Variants in HENMT1 observed in about 807,000 individuals in gnomAD.
HENMT1 encodes HEN methyltransferase 1, also known as small RNA 2'-O-methyltransferase.
HENMT1 carries 27 observed loss-of-function variants against 31.1 expected under a neutral mutation model. That is an observed-to-expected ratio of 0.87 (90% confidence interval 0.64 to 1.20). The LOEUF (loss-of-function observed/expected upper bound fraction) is 1.20. Among genes scored for constraint, HENMT1 ranks in the 50% most tolerant of loss-of-function variants. The pLI, the probability that HENMT1 is intolerant of heterozygous loss-of-function variation, is 0.00. For missense variants in HENMT1, 438 were observed against 469.6 expected, an observed-to-expected ratio of 0.93 and a Z score of 0.62; for synonymous variants, 167 against 172.2, an observed-to-expected ratio of 0.97 and a Z score of 0.24.
intron 3 of HENMT1, 64 bp from the exon 4 acceptor site, chr1:108,655,762 T>A (rs546061993): frequency 9.6e-7 from 1 of 1,039,990 alleles, no homozygotes; most frequent in Non-Finnish European, 1.5e-6. Context: ...ATCAAAAACT[T>A]TTTTTTGAGG....
At position 108,648,727 on chromosome 1, in the gene HENMT1, C is replaced by CG; in HGVS notation, c.1020dup (p.Val341ArgfsTer18). 1.9e-6 allele frequency: 3 copies of CG among 1,614,170 alleles called. No homozygotes were observed. Among genetic ancestry groups the CG allele is most frequent in the Non-Finnish European group, 1.7e-6 (2 of 1,180,028 alleles). On this transcript the variant is annotated frameshift_variant, in exon 8 of 8. Transcript: ENST00000651461. LOFTEE classifies it low-confidence loss of function (END_TRUNC). Reference sequence around the variant, plus strand: ...TACGCAAGGAGTCTCTGCAGAGGTACGAAAAATTTATCTCCAACACAGAAG... The same window carrying CG: ...TACGCAAGGAGTCTCTGCAGAGGTACGGAAAAATTTATCTCCAACACAGAAG...
intron 7 of HENMT1, 145 bp downstream of exon 7, chr1:108,650,066 A>G (rs1658002930): frequency 1.3e-6 from 1 of 768,130 alleles, no homozygotes; most frequent in Non-Finnish European, 2.3e-6. Flanking sequence ...GACAGTAGTC[A>G]TGGGGCCTGA....
Position 108,648,523 on chromosome 1 carries a change from C to T in HENMT1, c.*43G>A. 6.5e-7 allele frequency: 1 copy of T among 1,535,378 alleles called. No individual in the cohort carries two copies. Among genetic ancestry groups the T allele is most frequent in the Middle Eastern group, 1.7e-4 (1 of 5,744 alleles). ...AAAAAAACTAAATTCTAAGTGAGCA[C>T]AACTATCGCTGAGACCCTGAAATTT... On this transcript the variant is annotated 3_prime_UTR_variant, in exon 8 of 8. Coordinates refer to ENST00000651461, the MANE Select transcript of HENMT1 (RefSeq NM_001102592.2).
At chr1:108,653,882 G>T (rs1379344498) in intron 5 of HENMT1, among the ~76,000 whole-genome samples, 1 of 152,180 alleles carries the variant, frequency 6.6e-6, no homozygotes, top group Non-Finnish European at 1.5e-5. Context: ...TTGCTGTGCA[G>T]AAACCTTTCA....
intron 6 of HENMT1, 124 bp from the exon 7 acceptor site, chr1:108,650,512 T>G (rs1188906423): frequency 2.1e-5 from 18 of 842,590 alleles, no homozygotes; most frequent in Non-Finnish European, 2.9e-5. Context: ...TACTTCTAAG[T>G]TACAAATTCC....
chr1:108,650,388 C>G lies in HENMT1; in HGVS notation c.579G>C (p.Trp193Cys), dbSNP rs1412027482. The change falls in exon 7 of 8, where the codon TGG becomes TGC. Residue 193 changes from tryptophan (W) to cysteine (C), a missense_variant and splice_region_variant. Transcript: ENST00000651461. ...FEWTRMEFQTWALYVANRYDY... is the reference protein window; with the variant it reads ...FEWTRMEFQTCALYVANRYDY... ...CATAGCGATTTGCCACATATAAAGCCCTGAAACCAAAACGAGGACAGCAAT... is the reference window on the plus strand; with the variant it reads ...CATAGCGATTTGCCACATATAAAGCGCTGAAACCAAAACGAGGACAGCAAT... The G allele has an allele frequency of 6.2e-7, 1 of 1,606,512 alleles. No homozygotes were observed. The highest frequency in any genetic ancestry group is 1.1e-5 in the South Asian group (1 of 89,360).
At position 108,648,848 on chromosome 1, in the gene HENMT1, C is replaced by T. The variant is rs1266305027; in HGVS notation, c.900G>A (p.Lys300=). 6.2e-7 allele frequency: 1 copy of T among 1,614,210 alleles called. No individual in the cohort carries two copies. Among genetic ancestry groups the T allele is most frequent in the South Asian group, 1.1e-5 (1 of 91,086 alleles). ...RKEQAGERGD[K]PKDIGGSKAP... is the part of the protein sequence containing the mutation. ...CCTTTGAGCCACCAATGTCTTTGGGCTTATCACCCCGTTCCCCAGCCTGTT... is the reference window on the plus strand; with the variant it reads ...CCTTTGAGCCACCAATGTCTTTGGGTTTATCACCCCGTTCCCCAGCCTGTT... The change falls in exon 8 of 8, where the codon AAG becomes AAA. Residue 300 remains lysine, a synonymous_variant. Coordinates refer to ENST00000651461, the MANE Select transcript of HENMT1 (RefSeq NM_001102592.2).
intron 5 of HENMT1, among the ~76,000 whole-genome samples, chr1:108,653,025 T>C (rs549052583): frequency 7.7e-4 from 116 of 151,212 alleles, no homozygotes; most frequent in African/African-American, 2.4e-3. Context: ...ATTGTGCATA[T>C]ACATCCCTTT....
Position 108,651,299 on chromosome 1 carries a change from TGTA to T in HENMT1, c.399-93_399-91del, listed in dbSNP as rs1658047416. On this transcript the variant is annotated intron_variant, in intron 5 of 7. Coordinates refer to ENST00000651461, the MANE Select transcript of HENMT1 (RefSeq NM_001102592.2). The stretch of plus-strand genomic sequence containing the variant: ...ATTTATCAAAAACAATTTCCATCTG[TGTA>T]TCGATTTCTCCCTTCTTTGAATATG... The T allele has an allele frequency of 4.7e-6, 5 of 1,064,696 alleles. No individual in the cohort carries two copies. The Admixed American group carries it at 1.2e-4, about 25-fold the overall frequency. 66.0% of individuals were successfully genotyped at this position (1,064,696 alleles called of 1,614,324 possible).
chr1:108,651,252 C>T (rs751360884), intron 5 of HENMT1, 43 bp from the exon 6 acceptor site: 22 of 1,494,006 alleles, frequency 1.5e-5, no homozygotes, highest in Non-Finnish European at 1.8e-5. Flanking sequence ...TCTAGCTTCA[C>T]TTGCACCTAT....
intron 4 of HENMT1, 133 bp from the exon 5 acceptor site, chr1:108,654,983 G>T: frequency 2.2e-6 from 2 of 900,044 alleles, no homozygotes; most frequent in Non-Finnish European, 3.4e-6. Flanking sequence ...TGTTTTCCTT[G>T]TCTTGACATA....
In HENMT1 at chr1:108,651,217, G is replaced by A. The variant is rs776372263; in HGVS notation, c.399-8C>T. ...GAATCCAAATGTTCTATTCTAAAAT[G>A]GTTAATGAGAAAGACATAATAAAAT... On this transcript the variant is annotated splice_polypyrimidine_tract_variant and splice_region_variant and intron_variant, in intron 5 of 7. Coordinates refer to ENST00000651461, the MANE Select transcript of HENMT1 (RefSeq NM_001102592.2). 1 of 1,600,670 alleles carries A rather than the reference G, an allele frequency of 6.2e-7. No homozygotes were observed. The highest frequency in any genetic ancestry group is 8.5e-7 in the Non-Finnish European group (1 of 1,173,114).
chr1:108,660,424 T>A (rs1387791800), intron 1 of HENMT1, among the ~76,000 whole-genome samples: 1 of 152,132 alleles, frequency 6.6e-6, no homozygotes, highest in African/African-American at 2.4e-5. Context: ...ACCCTCAACT[T>A]CAAATTTTTT....
intron 2 of HENMT1, 26 bp from the exon 3 acceptor site, chr1:108,657,605 A>G (rs1394030349): frequency 4.4e-6 from 7 of 1,604,904 alleles, no homozygotes; most frequent in Admixed American, 1.7e-5. Flanking sequence ...AAAAAAAGAC[A>G]GGTTCTAAAT....
intron 6 of HENMT1, among the ~76,000 whole-genome samples, chr1:108,650,746 A>C (rs796384662): frequency 1.3e-5 from 2 of 152,304 alleles, no homozygotes; most frequent in African/African-American, 4.8e-5. Flanking sequence ...CATGAGGCTC[A>C]TTCTCACTGT....
chr1:108,657,270 G>C (rs1658273396), intron 3 of HENMT1, among the ~76,000 whole-genome samples, 181 bp downstream of exon 3: 1 of 151,952 alleles, frequency 6.6e-6, no homozygotes, highest in African/African-American at 2.4e-5. Flanking sequence ...CACTTCTCCA[G>C]TAAAAGAAAA....
chr1:108,650,889 C>T, intron 6 of HENMT1, 141 bp downstream of exon 6: 2 of 653,312 alleles, frequency 3.1e-6, no homozygotes, highest in Non-Finnish European at 5.2e-6. Context: ...GATCTTATTA[C>T]ATACTAAGTC....
chr1:108,652,871 G>A lies in HENMT1; in HGVS notation c.399-1662C>T, dbSNP rs551044639. Among the ~76,000 whole-genome samples the A allele has an allele frequency of 6.6e-4, 101 of 151,970 alleles. 1 individual carries two copies. In the South Asian group the frequency reaches 0.011, roughly 17 times the overall value. The stretch of plus-strand genomic sequence containing the variant: ...AGGCAAAAGAATCACTTGAACCCAG[G>A]AGGCAGAGGTTGCAGTGAGCCGAGA... On this transcript the variant is annotated intron_variant, in intron 5 of 7. Transcript: ENST00000651461.
chr1:108,653,032 CTTT>C (rs796472509), intron 5 of HENMT1, among the ~76,000 whole-genome samples: 1 of 143,040 alleles, frequency 7.0e-6, no homozygotes, highest in Non-Finnish European at 1.5e-5. Flanking sequence ...ATATACATCC[CTTT>C]TTTTTTTTTG....
Sources: gnomAD v4.1 joint callset for allele counts (sites outside exome capture counted in the v4.1 genomes callset) on GRCh38, gnomAD v4.1.1 for gene constraint, MANE v1.5 for transcripts, NCBI Gene and HGNC (gene_info 2026-07-23, HGNC 2026-07-21) for gene names.